Variants in EBF2 observed in about 807,000 individuals in gnomAD.
The protein encoded by EBF2 is transcription factor COE2.
Under a neutral mutation model 72.8 loss-of-function variants are expected in EBF2, and 21 were observed. The observed-to-expected ratio is 0.29, with a 90% CI of 0.20 to 0.42. The LOEUF (loss-of-function observed/expected upper bound fraction) is 0.42. Among genes scored for constraint, EBF2 ranks in the 10% least tolerant of loss-of-function variants. EBF2 has a pLI of 1.00. For synonymous variants in EBF2, 299 were observed against 274.2 expected (o/e 1.09, Z -0.89); for missense variants, 637 against 731.2 (o/e 0.87, Z 1.49).
intron 6 of EBF2, among the ~76,000 whole-genome samples, chr8:25,956,033 G>A (rs1237534358): frequency 6.6e-6 from 1 of 152,098 alleles, no homozygotes; most frequent in Non-Finnish European, 1.5e-5. Context: ...GAGTATGAAT[G>A]TACCTTTTGT....
At chr8:26,008,540 T>TTA (rs1373386057) in intron 6 of EBF2, among the ~76,000 whole-genome samples, 1 of 152,040 alleles carries the variant, frequency 6.6e-6, no homozygotes, top group East Asian at 1.9e-4. Context: ...ACCTACTACG[T>TTA]TAACCACTAA....
chr8:26,038,390 A>G (rs1270646624), intron 5 of EBF2, among the ~76,000 whole-genome samples: 1 of 152,224 alleles, frequency 6.6e-6, no homozygotes, highest in East Asian at 1.9e-4. Flanking sequence ...CTGCTACTTA[A>G]ACAGCATAAA....
At chr8:25,859,721 CTTT>C (rs202200790) in intron 13 of EBF2, among the ~76,000 whole-genome samples, 2 of 142,914 alleles carry the variant, frequency 1.4e-5, no homozygotes, top group African/African-American at 2.6e-5. Flanking sequence ...CCTGTCTAGT[CTTT>C]TTTTTTTTTT....
chr8:26,017,090 A>G (rs531848950), intron 6 of EBF2, among the ~76,000 whole-genome samples: 1 of 151,676 alleles, frequency 6.6e-6, no homozygotes, highest in Admixed American at 6.6e-5. Context: ...ACTCATTGTC[A>G]GTATCTAATG....
In EBF2 at chr8:26,011,815, A is replaced by ATTT. The variant is rs1404049491; in HGVS notation, c.551+21269_551+21270insAAA. On this transcript the variant is annotated intron_variant, in intron 6 of 15. Transcript: ENST00000520164. ...GAATTTACTTGAACTTTTTTTTAAA[A>ATTT]AAAAAAAGCAATGTGTTATCATATT... Among the ~76,000 whole-genome samples, 105 of 148,226 alleles carry ATTT rather than the reference A, an allele frequency of 7.1e-4. 1 individual carries two copies. Among genetic ancestry groups the ATTT allele is most frequent in the African/African-American group, 2.5e-3 (101 of 40,194 alleles).
intron 6 of EBF2, among the ~76,000 whole-genome samples, chr8:25,942,805 C>T (rs907336854): frequency 2.0e-5 from 3 of 152,162 alleles, no homozygotes; most frequent in Admixed American, 6.5e-5. Context: ...CCAGCTAGGG[C>T]CTCCTCCTTC....
At chr8:25,986,447 C>T (rs1269603058) in intron 6 of EBF2, among the ~76,000 whole-genome samples, 2 of 152,186 alleles carry the variant, frequency 1.3e-5, no homozygotes, top group African/African-American at 4.8e-5. Context: ...AGATTATAAA[C>T]TCCCAAAGAC....
intron 6 of EBF2, among the ~76,000 whole-genome samples, chr8:26,013,116 T>C (rs1805053280): frequency 6.6e-6 from 1 of 151,996 alleles, no homozygotes; most frequent in African/African-American, 2.4e-5. Flanking sequence ...TTGGGAGGAG[T>C]ATCTCACTAA....
At chr8:25,850,572 C>G in intron 15 of EBF2, 22 bp downstream of exon 15, 1 of 1,524,134 alleles carries the variant, frequency 6.6e-7, no homozygotes, top group East Asian at 2.5e-5. Context: ...TTGTGTATCC[C>G]CAAAATAGAA....
chr8:25,854,229 C>T (rs1802039048), intron 14 of EBF2, among the ~76,000 whole-genome samples: 1 of 125,016 alleles, frequency 8.0e-6, no homozygotes, highest in South Asian at 2.6e-4. Flanking sequence ...TAATACCAAC[C>T]CCCACCTCCA....
At chr8:25,997,729 T>C (rs926678101) in intron 6 of EBF2, among the ~76,000 whole-genome samples, 17 of 152,188 alleles carry the variant, frequency 1.1e-4, no homozygotes, top group Non-Finnish European at 1.8e-4. Flanking sequence ...GAGAAGGCAG[T>C]TTCTCTCTCT....
At chr8:26,021,859 A>G (rs1290057135) in intron 6 of EBF2, among the ~76,000 whole-genome samples, 1 of 152,214 alleles carries the variant, frequency 6.6e-6, no homozygotes, top group African/African-American at 2.4e-5. Flanking sequence ...GCCAAATTTT[A>G]CTGTGGTTAT....
intron 7 of EBF2, among the ~76,000 whole-genome samples, chr8:25,906,309 C>T (rs1585190390): frequency 6.6e-6 from 1 of 152,164 alleles, no homozygotes; most frequent in African/African-American, 2.4e-5. Context: ...TAAAGCTAAG[C>T]TTTGGTCATG....
Position 26,045,106 on chromosome 8 carries a change from C to G in EBF2, c.-247G>C, listed in dbSNP as rs1805681885. 2.4e-6 allele frequency: 1 copy of G among 416,338 alleles called. No individual in the cohort carries two copies. Among genetic ancestry groups the G allele is most frequent in the Non-Finnish European group, 4.4e-6 (1 of 225,344 alleles). 25.8% of individuals were successfully genotyped at this position (416,338 alleles called of 1,614,324 possible). On this transcript the variant is annotated 5_prime_UTR_variant, in exon 1 of 16. Transcript: ENST00000520164. ...AAGTTCAGATCTGCCGCCTCAGCCA[C>G]TCCACCCTAGGTCGCTCGCATCCTT...
At chr8:25,866,138 C>G (rs1330993271) in intron 10 of EBF2, among the ~76,000 whole-genome samples, 1 of 151,762 alleles carries the variant, frequency 6.6e-6, no homozygotes, top group African/African-American at 2.4e-5. Flanking sequence ...CATCTACTTA[C>G]AGTGATCATT....
intron 6 of EBF2, among the ~76,000 whole-genome samples, chr8:25,992,713 G>C (rs533304873): frequency 7.9e-4 from 120 of 152,116 alleles, no homozygotes; most frequent in African/African-American, 2.8e-3. Context: ...GACCAGCCTG[G>C]GCAACATGGT....
At position 25,918,843 on chromosome 8, in the gene EBF2, G is replaced by A. The variant is rs190444183; in HGVS notation, c.552-10288C>T. ...ACGTTTTATTCTTTGCCTTCTATCC[G>A]TCGGATCTTCCAAGATCACAGAGGC... On this transcript the variant is annotated intron_variant, in intron 6 of 15. Transcript: ENST00000520164. Among the ~76,000 whole-genome samples, 277 of 152,150 alleles carry A rather than the reference G, an allele frequency of 1.8e-3. 2 individuals are homozygous for A. The highest frequency in any genetic ancestry group is 6.4e-3 in the African/African-American group (265 of 41,500).
At chr8:25,858,294 G>A (rs1802136533) in intron 14 of EBF2, 25 bp downstream of exon 14, 1 of 1,612,914 alleles carries the variant, frequency 6.2e-7, no homozygotes, top group African/African-American at 1.3e-5. Flanking sequence ...AGCATGGAGA[G>A]CCAAGTGATG....
At chr8:25,876,923 A>G (rs2117279173) in intron 10 of EBF2, among the ~76,000 whole-genome samples, 1 of 152,286 alleles carries the variant, frequency 6.6e-6, no homozygotes, top group African/African-American at 2.4e-5. Context: ...GACAGATGTG[A>G]TTACTGAACT....
Sources: allele counts gnomAD v4.1 joint callset (sites outside exome capture counted in the v4.1 genomes callset), GRCh38; gene constraint gnomAD v4.1.1; transcripts MANE v1.5; gene names NCBI Gene and HGNC (gene_info 2026-07-23, HGNC 2026-07-21).